The following POLQ variants were observed in gnomAD, a reference collection of about 807,000 sequenced individuals.
The protein encoded by POLQ is DNA polymerase theta, also known as epididymis secretory sperm binding protein.
Under a neutral mutation model 259.2 loss-of-function variants are expected in POLQ, and 233 were observed. The observed-to-expected ratio is 0.90, with a 90% CI of 0.81 to 1.00. The LOEUF is 1.00. Ranked by LOEUF, POLQ falls within the 50% of genes least tolerant of loss-of-function variation. POLQ has a pLI of 0.00. For synonymous variants in POLQ, 1,025 were observed against 1,048.8 expected, an observed-to-expected ratio of 0.98 and a Z score of 0.44; for missense variants, 2,871 against 3,051.6, an observed-to-expected ratio of 0.94 and a Z score of 1.39.
chr3:121,460,189 A>G lies in POLQ; in HGVS notation c.7013T>C (p.Ile2338Thr). The part of the protein sequence containing the change: ...AADYSQLELR[I>T]LAHLSHDRRL... ...ACGATCATGGGATAAATGAGCCAAG[A>G]TCCTCAGTTCAAGCTGAGAGTAGTC... Residue 2338 changes from isoleucine (I) to threonine (T), a missense_variant, in exon 25 of 30, where the codon ATC becomes ACC. Transcript: ENST00000264233. The G allele has an allele frequency of 1.2e-6, 2 of 1,613,814 alleles. No individual in the cohort carries two copies. The highest frequency in any genetic ancestry group is 1.7e-6 in the Non-Finnish European group (2 of 1,179,700).
intron 26 of POLQ, among the ~76,000 whole-genome samples, chr3:121,442,015 TTTTAA>T (rs2108774840): frequency 6.6e-6 from 1 of 152,344 alleles, no homozygotes; most frequent in South Asian, 2.1e-4. Flanking sequence ...ATTTTCTGAC[TTTTAA>T]TTTATCGGAT....
At chr3:121,542,892 C>A (rs1186537681) in intron 2 of POLQ, among the ~76,000 whole-genome samples, 1 of 151,840 alleles carries the variant, frequency 6.6e-6, no homozygotes, top group Non-Finnish European at 1.5e-5. Flanking sequence ...GAGGCTGAGG[C>A]AGGAGAATCA....
At chr3:121,492,014 T>C (rs78478819) in intron 15 of POLQ, among the ~76,000 whole-genome samples, 5,487 of 152,192 alleles carry the variant, frequency 0.036, 151 homozygotes, top group Middle Eastern at 0.082. Context: ...AACCAAACCA[T>C]CTCCACCACC....
Position 121,490,164 on chromosome 3 carries a change from A to G in POLQ, c.2767T>C (p.Phe923Leu), listed in dbSNP as rs747695065. Residue 923 changes from phenylalanine to leucine, a missense_variant, in exon 16 of 30, where the codon TTT (phenylalanine) becomes CTT (leucine). Transcript: ENST00000264233. ...TAAGAACTCTTAGTTTGGGATATAA[A>G]TGTGTGTTCCTTTACTTCGGACTCA... ...HSESEVKEHT[F>L]ISQTKSSYKK... 1 of 1,611,758 alleles carries G rather than the reference A, an allele frequency of 6.2e-7. No individual in the cohort carries two copies.
At chr3:121,541,538 T>C in intron 2 of POLQ, 59 bp from the exon 3 acceptor site, 1 of 1,463,038 alleles carries the variant, frequency 6.8e-7, no homozygotes, top group Non-Finnish European at 9.3e-7. Context: ...TACAATTCAT[T>C]AATAAATGTT....
intron 29 of POLQ, 62 bp downstream of exon 29, chr3:121,432,856 G>T: frequency 1.0e-6 from 1 of 974,606 alleles, no homozygotes. Flanking sequence ...AAACAAAGCT[G>T]TCGGCCTGAC....
chr3:121,458,003 A>T (rs2108782914), intron 25 of POLQ, among the ~76,000 whole-genome samples: 1 of 152,368 alleles, frequency 6.6e-6, no homozygotes, highest in Admixed American at 6.5e-5. Flanking sequence ...CAACAATGAT[A>T]GACTAGATTA....
At chr3:121,472,471 T>C (rs1229704426) in intron 21 of POLQ, among the ~76,000 whole-genome samples, 1 of 152,236 alleles carries the variant, frequency 6.6e-6, no homozygotes, top group Admixed American at 6.5e-5. Flanking sequence ...TTACACCATC[T>C]GTTTTCTTTA....
At chr3:121,433,923 A>G (rs1379862497) in intron 28 of POLQ, among the ~76,000 whole-genome samples, 6 of 152,332 alleles carry the variant, frequency 3.9e-5, no homozygotes, top group South Asian at 2.1e-4. Flanking sequence ...CACTATCTGC[A>G]GTGCCAGTTT....
chr3:121,458,259 T>C (rs543260106), intron 25 of POLQ, among the ~76,000 whole-genome samples: 4 of 151,996 alleles, frequency 2.6e-5, no homozygotes, highest in Admixed American at 6.6e-5. Flanking sequence ...GGGGGAGGGA[T>C]AGCATTAGGA....
intron 14 of POLQ, among the ~76,000 whole-genome samples, chr3:121,496,258 C>T (rs1223228949): frequency 6.7e-6 from 1 of 150,340 alleles, no homozygotes; most frequent in African/African-American, 2.5e-5. Flanking sequence ...CTCACTGCAA[C>T]CTCTGCCTCC....
chr3:121,449,463 T>A, intron 25 of POLQ, 37 bp from the exon 26 acceptor site: 1 of 1,135,982 alleles, frequency 8.8e-7, no homozygotes, highest in Non-Finnish European at 1.3e-6. Flanking sequence ...AGGTTATAAG[T>A]ACATAAAATG....
At chr3:121,485,572 G>A (rs1376452954) in intron 16 of POLQ, among the ~76,000 whole-genome samples, 4 of 152,126 alleles carry the variant, frequency 2.6e-5, no homozygotes, top group African/African-American at 9.7e-5. Context: ...TAGTGAAGAA[G>A]CATAATTTTG....
At chr3:121,468,027 C>A (rs573617811) in intron 23 of POLQ, among the ~76,000 whole-genome samples, 4 of 151,934 alleles carry the variant, frequency 2.6e-5, no homozygotes, top group African/African-American at 9.6e-5. Flanking sequence ...AGCAAGACTC[C>A]GTCTCAAAAA....
chr3:121,435,944 A>G (rs577526738), intron 28 of POLQ, among the ~76,000 whole-genome samples, 178 bp downstream of exon 28: 1 of 152,364 alleles, frequency 6.6e-6, no homozygotes, highest in Admixed American at 6.5e-5. Context: ...ATATATAGAC[A>G]TAACCCACAA....
chr3:121,491,250 G>A (rs1481437012), intron 15 of POLQ, among the ~76,000 whole-genome samples: 1 of 150,786 alleles, frequency 6.6e-6, no homozygotes, highest in East Asian at 1.9e-4. Context: ...CTACTTGGGA[G>A]GCTAAGACAG....
At chr3:121,515,188 G>C (rs2048285974) in intron 9 of POLQ, among the ~76,000 whole-genome samples, 1 of 151,998 alleles carries the variant, frequency 6.6e-6, no homozygotes, top group South Asian at 2.1e-4. Context: ...ATTTTTAGAG[G>C]TGGGATCTCT....
At chr3:121,445,020 T>C (rs576993438) in intron 26 of POLQ, among the ~76,000 whole-genome samples, 6 of 152,332 alleles carry the variant, frequency 3.9e-5, no homozygotes, top group Admixed American at 2.0e-4. Flanking sequence ...TTGAGGATGT[T>C]TGCATCAATT....
intron 24 of POLQ, among the ~76,000 whole-genome samples, chr3:121,460,873 TA>T (rs1355716719): frequency 6.6e-6 from 1 of 151,894 alleles, no homozygotes. Flanking sequence ...AAAACAAAGT[TA>T]AAAAAATAAA....
Sources: allele counts gnomAD v4.1 joint callset (sites outside exome capture counted in the v4.1 genomes callset), GRCh38; gene constraint gnomAD v4.1.1; transcripts MANE v1.5; gene names NCBI Gene and HGNC (gene_info 2026-07-23, HGNC 2026-07-21).